CDIP1: variants seen among roughly 807,000 people sequenced by gnomAD.
CDIP1 encodes the protein cell death inducing p53 target 1.
Under a neutral mutation model 17.7 loss-of-function variants are expected in CDIP1, and 9 were observed. That is an observed-to-expected ratio of 0.51 (90% CI 0.31 to 0.89). The LOEUF is 0.89. Among genes scored for constraint, CDIP1 ranks in the 40% least tolerant of loss-of-function variants. CDIP1 has a pLI of 0.05. For missense variants in CDIP1, 263 were observed against 277.9 expected, an observed-to-expected ratio of 0.95 and a Z score of 0.38; for synonymous variants, 117 against 109.5, an observed-to-expected ratio of 1.07 and a Z score of -0.43.
chr16:4,530,883 C>A, intron 1 of CDIP1, among the ~76,000 whole-genome samples: 2 of 152,012 alleles, frequency 1.3e-5, no homozygotes, highest in Admixed American at 6.6e-5. Context: ...TAGGTTGGTA[C>A]AAAAGTAATT....
chr16:4,518,102 T>C (rs1400513808), intron 1 of CDIP1, among the ~76,000 whole-genome samples: 1 of 152,110 alleles, frequency 6.6e-6, no homozygotes, highest in Non-Finnish European at 1.5e-5. Context: ...TGCACTGTGC[T>C]TGGTGAGTCA....
chr16:4,535,956 A>T (rs1334726062), intron 1 of CDIP1, among the ~76,000 whole-genome samples: 2 of 152,174 alleles, frequency 1.3e-5, no homozygotes, highest in African/African-American at 4.8e-5. Context: ...CATTTTGAGT[A>T]ATCTATTTCC....
intron 1 of CDIP1, among the ~76,000 whole-genome samples, chr16:4,536,250 C>T (rs548980009): frequency 6.6e-6 from 1 of 152,326 alleles, no homozygotes; most frequent in South Asian, 2.1e-4. Context: ...TTTTCTCTCC[C>T]ACTCAGGCAA....
intron 1 of CDIP1, among the ~76,000 whole-genome samples, chr16:4,517,659 T>A (rs1236358600): frequency 1.3e-5 from 2 of 151,910 alleles, no homozygotes; most frequent in East Asian, 3.9e-4. Flanking sequence ...GAGGATCACC[T>A]GAGCCCAAGA....
intron 1 of CDIP1, among the ~76,000 whole-genome samples, chr16:4,524,707 A>G (rs1165822668): frequency 1.3e-5 from 2 of 152,212 alleles, no homozygotes; most frequent in Non-Finnish European, 1.5e-5. Context: ...ACCAGCAACT[A>G]ACTGACCACC....
chr16:4,511,364 CTG>C lies in CDIP1; in HGVS notation c.*1206_*1207del, dbSNP rs1272675681. 6.5e-6 allele frequency: 1 copy of C among 152,750 alleles called. No homozygotes were observed. Among genetic ancestry groups the C allele is most frequent in the Non-Finnish European group, 1.5e-5 (1 of 68,136 alleles). The allele number at this position is 152,750 out of a possible 1,614,324, so 9.5% of individuals were successfully genotyped here. A position where few individuals can be genotyped will look rare whatever the true frequency, so the allele number is the denominator to read the frequency against. On this transcript the variant is annotated 3_prime_UTR_variant, in exon 6 of 6. Transcript: ENST00000567695. The stretch of plus-strand genomic sequence containing the variant: ...GGCCAATTTAATGAGAAACTACAAA[CTG>C]AGACTGGGCCACGATTCACAGTGAC...
intron 1 of CDIP1, among the ~76,000 whole-genome samples, chr16:4,529,159 G>A (rs1281368905): frequency 6.6e-6 from 1 of 152,122 alleles, no homozygotes; most frequent in African/African-American, 2.4e-5. Flanking sequence ...GGTCTCCCAT[G>A]AGTTTGGTCA....
In CDIP1 at chr16:4,512,775, T is replaced by G; in HGVS notation, c.515+16A>C. 1 of 1,592,516 alleles carries G rather than the reference T, an allele frequency of 6.3e-7. No homozygotes were observed. The highest frequency in any genetic ancestry group is 8.6e-7 in the Non-Finnish European group (1 of 1,168,992). ...CCTGGTGCAGCCCCCACCCTACCAGTGCCCACACCACCTACCCCATGAAGC... is the reference window on the plus strand; with the variant it reads ...CCTGGTGCAGCCCCCACCCTACCAGGGCCCACACCACCTACCCCATGAAGC... On this transcript the variant is annotated intron_variant, in intron 5 of 5. Coordinates refer to ENST00000567695, the MANE Select transcript of CDIP1 (RefSeq NM_013399.3). The surrounding 1 kb of genome is among the most constrained non-coding windows in gnomAD (Gnocchi z 4.6).
In CDIP1 at chr16:4,514,482, A is replaced by C; in HGVS notation, c.-15+93T>G. ...TGGCACCGAGCTCTCCCCTCCCCAA[A>C]CGTTTAGCGGGCACTAAGGCAGTCG... On this transcript the variant is annotated intron_variant, in intron 2 of 5. Transcript: ENST00000567695. The surrounding 1 kb of genome is among the most constrained non-coding windows in gnomAD (Gnocchi z 5.2). 1 of 266,788 alleles carries C rather than the reference A, an allele frequency of 3.7e-6. No homozygotes were observed. 16.5% of individuals were successfully genotyped at this position (266,788 alleles called of 1,614,324 possible).
At chr16:4,524,360 A>T (rs913978200) in intron 1 of CDIP1, 9 of 152,366 alleles carry the variant, frequency 5.9e-5, no homozygotes, top group Non-Finnish European at 1.2e-4. Flanking sequence ...CGCCTAATGA[A>T]GTACAGACTG....
intron 1 of CDIP1, among the ~76,000 whole-genome samples, chr16:4,522,979 C>A (rs2058965942): frequency 6.6e-6 from 1 of 152,236 alleles, no homozygotes; most frequent in South Asian, 2.1e-4. Flanking sequence ...TAAAAACTTA[C>A]TGAACCACTG....
rs1454518448 is a variant in CDIP1 at position 4,512,699 on chromosome 16, G to A, written c.516-16C>T. 1.9e-6 allele frequency: 3 copies of A among 1,610,240 alleles called. No homozygotes were observed. The highest frequency in any genetic ancestry group is 2.5e-6 in the Non-Finnish European group (3 of 1,176,898). On this transcript the variant is annotated splice_polypyrimidine_tract_variant and intron_variant, in intron 5 of 5. Transcript: ENST00000567695. The surrounding 1 kb of genome is among the most constrained non-coding windows in gnomAD (Gnocchi z 4.6). ...CAGATCACATCTGAATCAGAGACAG[G>A]GAAGAACAGGCTGAGGCCTGCTGCG... is the stretch of plus-strand genomic sequence containing the variant.
Position 4,513,857 on chromosome 16 carries a change from C to T in CDIP1, c.86-6G>A. The T allele has an allele frequency of 6.4e-7, 1 of 1,554,076 alleles. No homozygotes were observed. ...CACAGCTGGGGAGGAACGGCCTGGA[C>T]AGAGAGAGGCAGAAAGAGGAGACTG... On this transcript the variant is annotated splice_region_variant and splice_polypyrimidine_tract_variant and intron_variant, in intron 3 of 5. Coordinates refer to ENST00000567695, the MANE Select transcript of CDIP1 (RefSeq NM_013399.3). The surrounding 1 kb of genome is among the most constrained non-coding windows in gnomAD (Gnocchi z 4.1).
intron 1 of CDIP1, among the ~76,000 whole-genome samples, chr16:4,530,170 C>T (rs867632084): frequency 2.0e-5 from 3 of 152,188 alleles, no homozygotes; most frequent in Non-Finnish European, 2.9e-5. Flanking sequence ...GTGAAGAAAG[C>T]GCTCTAGGAA....
intron 1 of CDIP1, among the ~76,000 whole-genome samples, chr16:4,531,450 G>A (rs1365179470): frequency 6.6e-6 from 1 of 152,140 alleles, no homozygotes; most frequent in Admixed American, 6.5e-5. Flanking sequence ...GTGAGTGTCT[G>A]CTCCTGGCCA....
rs1331359103 is a variant in CDIP1 at position 4,514,407 on chromosome 16, A to T, written c.-15+168T>A. 6.6e-6 allele frequency among the ~76,000 whole-genome samples: 1 copy of T among 152,220 alleles called. No individual in the cohort carries two copies. Among genetic ancestry groups the T allele is most frequent in the Non-Finnish European group, 1.5e-5 (1 of 68,046 alleles). On this transcript the variant is annotated intron_variant, in intron 2 of 5. Transcript: ENST00000567695. The surrounding 1 kb of genome is among the most constrained non-coding windows in gnomAD (Gnocchi z 5.2). ...CCCAGGAAGCAGGGCCCAGTGAGGT[A>T]AAGTCCCCCAAGGAGCCTAACTCAG...
Position 4,513,019 on chromosome 16 carries a change from G to A in CDIP1, c.287C>T (p.Pro96Leu), listed in dbSNP as rs1457744832. The change falls in exon 5 of 6, where the codon CCC becomes CTC. Residue 96 changes from proline to leucine, a missense_variant. Pro to Leu is a moderately conservative substitution (Grantham distance 98, BLOSUM62 -3). Coordinates refer to ENST00000567695, the MANE Select transcript of CDIP1 (RefSeq NM_013399.3). The surrounding 1 kb of genome is among the most constrained non-coding windows in gnomAD (Gnocchi z 4.1). ...GGGCCCTGGCGTGTAGGGCCCTGGG[G>A]GGTAGTAGCCCATGGGTGGGTGGGG... ...PGPHPPMGYY[P>L]PGPYTPGPYP... 3 of 1,594,172 alleles carry A rather than the reference G, an allele frequency of 1.9e-6. No individual in the cohort carries two copies. The highest frequency in any genetic ancestry group is 2.3e-5 in the East Asian group (1 of 44,124).
At chr16:4,524,883 G>A (rs1196084339) in intron 1 of CDIP1, among the ~76,000 whole-genome samples, 1 of 152,154 alleles carries the variant, frequency 6.6e-6, no homozygotes, top group Non-Finnish European at 1.5e-5. Flanking sequence ...TGGGAGGACT[G>A]CTTAAAGCTA....
At position 4,514,204 on chromosome 16, in the gene CDIP1, C is replaced by G; in HGVS notation, c.-14-60G>C. 2 of 1,025,432 alleles carry G rather than the reference C, an allele frequency of 2.0e-6. No homozygotes were observed. Among genetic ancestry groups the G allele is most frequent in the Non-Finnish European group, 2.8e-6 (2 of 709,334 alleles). 63.5% of individuals were successfully genotyped at this position (1,025,432 alleles called of 1,614,324 possible). On this transcript the variant is annotated intron_variant, in intron 2 of 5. Coordinates refer to ENST00000567695, the MANE Select transcript of CDIP1 (RefSeq NM_013399.3). This position sits in a 1 kb window ranked among gnomAD's most constrained non-coding sequence, Gnocchi z 5.2. ...GCTCCCAGCCAGGTTCCTTCTCCTT[C>G]AGCCCTGTGGGGTGGCCAAGATGCT...
Sources: allele counts gnomAD v4.1 joint callset (sites outside exome capture counted in the v4.1 genomes callset), GRCh38; gene constraint gnomAD v4.1.1; non-coding constraint Gnocchi (gnomAD v3.1); transcripts MANE v1.5; gene names NCBI Gene and HGNC (gene_info 2026-07-23, HGNC 2026-07-21).